Variants in CERKL observed in about 807,000 individuals in gnomAD.
CERKL encodes ceramide kinase-like protein.
Under a neutral mutation model 63.4 loss-of-function variants are expected in CERKL, and 61 were observed. The observed-to-expected ratio is 0.96, with a 90% CI of 0.78 to 1.19. CERKL has a LOEUF of 1.19. CERKL is among the 50% of genes most tolerant of loss of function. CERKL has a pLI of 0.00. For missense variants in CERKL, 675 were observed against 655.5 expected (o/e 1.03, Z -0.33); for synonymous variants, 250 against 230.5 (o/e 1.08, Z -0.77).
chr2:181,567,336 TAAG>T (rs1438377127), intron 3 of CERKL, among the ~76,000 whole-genome samples: 8 of 152,218 alleles, frequency 5.3e-5, no homozygotes, highest in Non-Finnish European at 1.2e-4. Context: ...ACATTAAAAA[TAAG>T]AATATCATGA....
intron 1 of CERKL, among the ~76,000 whole-genome samples, chr2:181,623,909 TGTGA>T (rs1262350248): frequency 3.9e-5 from 6 of 152,318 alleles, no homozygotes; most frequent in Middle Eastern, 3.4e-3. Flanking sequence ...ACAAACCAGC[TGTGA>T]GTGTTATGTA....
intron 1 of CERKL, among the ~76,000 whole-genome samples, chr2:181,654,275 C>G (rs1297205788): frequency 6.6e-6 from 1 of 152,054 alleles, no homozygotes; most frequent in Non-Finnish European, 1.5e-5. Flanking sequence ...ATCCATTATT[C>G]CAGGTCATCC....
At chr2:181,649,502 CACAA>C (rs1687809871) in intron 1 of CERKL, 1 of 152,160 alleles carries the variant, frequency 6.6e-6, no homozygotes, top group Non-Finnish European at 1.5e-5. Context: ...GACATACATA[CACAA>C]ACACACACAG....
intron 5 of CERKL, among the ~76,000 whole-genome samples, chr2:181,554,481 G>A (rs936560193): frequency 2.0e-5 from 3 of 152,190 alleles, no homozygotes; most frequent in African/African-American, 7.2e-5. Context: ...ACAGCCATCA[G>A]TATGTGGCTT....
rs1687729132 is a variant in CERKL at position 181,647,675 on chromosome 2, G to A, written c.238+9094C>T. On this transcript the variant is annotated intron_variant, in intron 1 of 12. Transcript: ENST00000410087. ...ACTGGAAAATGTGACTATTCCACTA[G>A]ATGTGCAGATGTCACAAGAAACATG... Among the ~76,000 whole-genome samples the A allele has an allele frequency of 2.0e-5, 3 of 152,152 alleles. No homozygotes were observed. In the East Asian group the frequency reaches 5.8e-4, roughly 29 times the overall value.
In CERKL at chr2:181,540,866, A is replaced by G. The variant is rs182040883; in HGVS notation, c.1366-1602T>C. Among the ~76,000 whole-genome samples the G allele has an allele frequency of 3.3e-5, 5 of 152,334 alleles. No homozygotes were observed. In the East Asian group the frequency reaches 9.6e-4, roughly 29 times the overall value. Reference sequence around the variant, plus strand: ...TGTGGAGTTCAACAGAGGAAACAAGAGGAGGCAAACAGGCTATGGATGTTG... The same window carrying G: ...TGTGGAGTTCAACAGAGGAAACAAGGGGAGGCAAACAGGCTATGGATGTTG... On this transcript the variant is annotated intron_variant, in intron 11 of 12. Coordinates refer to ENST00000410087, the MANE Select transcript of CERKL (RefSeq NM_201548.5).
chr2:181,621,896 C>T (rs2105918472), intron 1 of CERKL, among the ~76,000 whole-genome samples: 1 of 152,248 alleles, frequency 6.6e-6, no homozygotes, highest in East Asian at 1.9e-4. Flanking sequence ...ACCTTAATTT[C>T]ACTCACAGTA....
At chr2:181,566,161 T>A (rs1356823354) in intron 3 of CERKL, 40 bp from the exon 4 acceptor site, 2 of 1,487,060 alleles carry the variant, frequency 1.3e-6, no homozygotes, top group Non-Finnish European at 1.9e-6. Flanking sequence ...AGTGACAGTT[T>A]TAAACAATGA....
At chr2:181,646,322 G>C (rs766292114) in intron 1 of CERKL, among the ~76,000 whole-genome samples, 15 of 152,148 alleles carry the variant, frequency 9.9e-5, no homozygotes, top group Non-Finnish European at 2.1e-4. Context: ...ATATGCAATT[G>C]TATTATCTAA....
chr2:181,617,185 TA>T (rs1040809802), intron 1 of CERKL: 1 of 152,210 alleles, frequency 6.6e-6, no homozygotes, highest in Non-Finnish European at 1.5e-5. Context: ...CACTTATTTT[TA>T]AAAAAATCTC....
intron 1 of CERKL, among the ~76,000 whole-genome samples, chr2:181,621,661 A>G (rs1054861428): frequency 2.0e-5 from 3 of 152,198 alleles, no homozygotes; most frequent in Non-Finnish European, 2.9e-5. Context: ...AGCCAAAACT[A>G]AAGGTGAAGT....
In CERKL at chr2:181,558,441, G is replaced by T; in HGVS notation, c.820+125C>A. On this transcript the variant is annotated intron_variant, in intron 5 of 12. Coordinates refer to ENST00000410087, the MANE Select transcript of CERKL (RefSeq NM_201548.5). The surrounding 1 kb of genome is among the most constrained non-coding windows in gnomAD (Gnocchi z 4.2). ...CAAAAGTCTCACATTTGCTAGTGGG[G>T]ATGCCAGAAGTCTGGATCTTTCAAA... 9.9e-7 allele frequency: 1 copy of T among 1,013,002 alleles called. No homozygotes were observed. Among genetic ancestry groups the T allele is most frequent in the Non-Finnish European group, 1.5e-6 (1 of 650,668 alleles). 62.8% of individuals were successfully genotyped at this position (1,013,002 alleles called of 1,614,324 possible).
At chr2:181,580,373 T>C (rs1055246244) in intron 2 of CERKL, among the ~76,000 whole-genome samples, 4 of 150,018 alleles carry the variant, frequency 2.7e-5, no homozygotes, top group Non-Finnish European at 5.9e-5. Flanking sequence ...TTTCTATACC[T>C]AGCCCTTTCC....
intron 1 of CERKL, among the ~76,000 whole-genome samples, chr2:181,652,358 C>T (rs1249524781): frequency 6.6e-6 from 1 of 152,106 alleles, no homozygotes; most frequent in East Asian, 1.9e-4. Context: ...CAACAGCCAA[C>T]TGAATTTTTA....
At chr2:181,553,758 G>T (rs892173295) in intron 5 of CERKL, among the ~76,000 whole-genome samples, 2 of 152,076 alleles carry the variant, frequency 1.3e-5, no homozygotes, top group Admixed American at 1.3e-4. Flanking sequence ...CTTTAAATGT[G>T]GTTTTTGACA....
intron 1 of CERKL, among the ~76,000 whole-genome samples, chr2:181,623,389 G>A (rs1686541160): frequency 6.6e-6 from 1 of 152,134 alleles, no homozygotes; most frequent in African/African-American, 2.4e-5. Flanking sequence ...GTCAGCACAT[G>A]ACTCATCCAT....
intron 1 of CERKL, among the ~76,000 whole-genome samples, chr2:181,619,299 T>C (rs1353164457): frequency 6.6e-6 from 1 of 150,918 alleles, no homozygotes; most frequent in African/African-American, 2.5e-5. Context: ...ATGACCTTAA[T>C]GGATTCATCT....
At chr2:181,636,393 T>C (rs892560369) in intron 1 of CERKL, among the ~76,000 whole-genome samples, 14 of 152,126 alleles carry the variant, frequency 9.2e-5, no homozygotes, top group African/African-American at 3.1e-4. Flanking sequence ...TGCCCCCTGA[T>C]CTGCTGGATC....
chr2:181,574,590 A>G (rs1010400984), intron 2 of CERKL, among the ~76,000 whole-genome samples: 1 of 152,194 alleles, frequency 6.6e-6, no homozygotes, highest in Non-Finnish European at 1.5e-5. Flanking sequence ...CAAGATGCTT[A>G]TCTCTTCGAA....
Sources: allele counts gnomAD v4.1 joint callset (sites outside exome capture counted in the v4.1 genomes callset), GRCh38; gene constraint gnomAD v4.1.1; non-coding constraint Gnocchi (gnomAD v3.1); transcripts MANE v1.5; gene names NCBI Gene and HGNC (gene_info 2026-07-23, HGNC 2026-07-21).